PSD3: variants seen among roughly 807,000 people sequenced by gnomAD.
PSD3 encodes pleckstrin and Sec7 domain containing 3, also known as PH and SEC7 domain-containing protein 3.
A neutral mutation model predicts 105.5 loss-of-function variants in PSD3; 49 were observed. The ratio of observed to expected loss-of-function variants is 0.46; its 90% CI spans 0.37 to 0.59. The LOEUF (loss-of-function observed/expected upper bound fraction) is 0.59, where lower values mean the gene tolerates loss of function less well. Ranked by LOEUF, PSD3 falls within the 20% of genes least tolerant of loss-of-function variation. The probability of loss-of-function intolerance (pLI) is 0.00; values close to 1 mark genes in which losing one functional copy is unlikely to be tolerated. For missense variants in PSD3, 1,561 were observed against 1,263.8 expected (o/e 1.24, Z -3.57); for synonymous variants, 557 against 457.8 (o/e 1.22, Z -2.77).
At chr8:18,918,213 C>T (rs2071588269) in intron 2 of PSD3, among the ~76,000 whole-genome samples, 1 of 152,340 alleles carries the variant, frequency 6.6e-6, no homozygotes, top group Non-Finnish European at 1.5e-5. Context: ...TCTGACCAAG[C>T]CATGGTCTGC....
chr8:18,885,659 CA>C (rs1171269388), intron 2 of PSD3, among the ~76,000 whole-genome samples: 1 of 152,102 alleles, frequency 6.6e-6, no homozygotes, highest in African/African-American at 2.4e-5. Flanking sequence ...CATTTGCAGC[CA>C]GTAGTTTTCA....
chr8:19,024,328 T>C (rs1323876127), intron 1 of PSD3, among the ~76,000 whole-genome samples: 2 of 152,114 alleles, frequency 1.3e-5, no homozygotes, highest in African/African-American at 4.8e-5. Context: ...CTGGAATGTC[T>C]CCAAGAGGAC....
At chr8:18,646,005 G>T (rs1352987731) in intron 10 of PSD3, among the ~76,000 whole-genome samples, 1 of 151,634 alleles carries the variant, frequency 6.6e-6, no homozygotes, top group Non-Finnish European at 1.5e-5. Context: ...CTATACCATT[G>T]TCCAGCTTAA....
chr8:18,832,546 T>TC lies in PSD3; in HGVS notation c.1635-27649dup, dbSNP rs1813763293. Among the ~76,000 whole-genome samples, 3 of 152,302 alleles carry TC rather than the reference T, an allele frequency of 2.0e-5. No individual in the cohort carries two copies. In the South Asian group the frequency reaches 6.2e-4, roughly 32 times the overall value. On this transcript the variant is annotated intron_variant, in intron 4 of 15. Coordinates refer to ENST00000327040, the MANE Select transcript of PSD3 (RefSeq NM_015310.4). The stretch of plus-strand genomic sequence containing the variant: ...ACCAATAACATGTCAAGCATTATCC[T>TC]CCAACCCCCTTTTAACTGTTAACTT...
chr8:18,661,511 G>C (rs1809345543), intron 9 of PSD3, among the ~76,000 whole-genome samples: 1 of 152,122 alleles, frequency 6.6e-6, no homozygotes, highest in Non-Finnish European at 1.5e-5. Flanking sequence ...CTTTGCAATG[G>C]TCTTCAACTT....
intron 9 of PSD3, among the ~76,000 whole-genome samples, chr8:18,763,437 G>T (rs1234549286): frequency 6.6e-6 from 1 of 152,160 alleles, no homozygotes; most frequent in Admixed American, 6.5e-5. Context: ...TTCTATGTAT[G>T]TATGTATCTG....
intron 10 of PSD3, among the ~76,000 whole-genome samples, chr8:18,653,464 T>G (rs1248352011): frequency 1.3e-5 from 2 of 152,142 alleles, no homozygotes; most frequent in African/African-American, 4.8e-5. Flanking sequence ...AACATTTCAG[T>G]GTCATCCTGA....
chr8:18,777,602 T>C (rs759132503), intron 8 of PSD3, among the ~76,000 whole-genome samples: 1 of 152,238 alleles, frequency 6.6e-6, no homozygotes, highest in East Asian at 1.9e-4. Context: ...ATGCATGTAA[T>C]GTGTAATAAT....
intron 9 of PSD3, among the ~76,000 whole-genome samples, chr8:18,748,660 C>CAAAA (rs760372508): frequency 7.3e-5 from 4 of 54,706 alleles, no homozygotes; most frequent in East Asian, 4.4e-4. Flanking sequence ...ACTCCGTCTC[C>CAAAA]AAAAAAAAAA....
intron 1 of PSD3, among the ~76,000 whole-genome samples, chr8:18,937,581 A>G (rs2129469180): frequency 6.6e-6 from 1 of 152,344 alleles, no homozygotes; most frequent in South Asian, 2.1e-4. Flanking sequence ...CACAACATTC[A>G]GACAGCAATT....
At chr8:19,030,205 G>A (rs1827715210) in intron 1 of PSD3, among the ~76,000 whole-genome samples, 1 of 152,134 alleles carries the variant, frequency 6.6e-6, no homozygotes, top group South Asian at 2.1e-4. Flanking sequence ...GCCAAATCCT[G>A]TTTCTGCATC....
chr8:18,758,809 T>C (rs1806271007), intron 9 of PSD3, among the ~76,000 whole-genome samples: 2 of 152,172 alleles, frequency 1.3e-5, no homozygotes. Flanking sequence ...ATATAATCCT[T>C]TCAGCTGACA....
At chr8:18,855,866 A>C (rs894965576) in intron 4 of PSD3, among the ~76,000 whole-genome samples, 1 of 152,208 alleles carries the variant, frequency 6.6e-6, no homozygotes, top group African/African-American at 2.4e-5. Context: ...CCTAAGTGGG[A>C]TGATGAGATC....
chr8:18,624,011 T>C (rs1358605998), intron 11 of PSD3, among the ~76,000 whole-genome samples: 1 of 152,206 alleles, frequency 6.6e-6, no homozygotes, highest in Non-Finnish European at 1.5e-5. Context: ...TATATGGATA[T>C]ACAAAATCCA....
At chr8:18,863,397 G>A (rs538326652) in intron 4 of PSD3, among the ~76,000 whole-genome samples, 1 of 152,038 alleles carries the variant, frequency 6.6e-6, no homozygotes, top group Admixed American at 6.5e-5. Context: ...ACACAGCACC[G>A]CTGACCCCCG....
intron 4 of PSD3, among the ~76,000 whole-genome samples, chr8:18,832,267 T>C (rs1427014576): frequency 6.6e-6 from 1 of 152,182 alleles, no homozygotes; most frequent in Non-Finnish European, 1.5e-5. Flanking sequence ...TATAGGGTTA[T>C]ATCTTGCTTC....
At position 18,711,165 on chromosome 8, in the gene PSD3, T is replaced by C. The variant is rs1347245045; in HGVS notation, c.2172+54284A>G. Among the ~76,000 whole-genome samples, 4 of 152,264 alleles carry C rather than the reference T, an allele frequency of 2.6e-5. No individual in the cohort carries two copies. The East Asian group carries it at 5.8e-4, about 22-fold the overall frequency. On this transcript the variant is annotated intron_variant, in intron 9 of 15. Coordinates refer to ENST00000327040, the MANE Select transcript of PSD3 (RefSeq NM_015310.4). The stretch of plus-strand genomic sequence containing the variant: ...ACTGAATATGGAAAGGGAAAATGGT[T>C]ACCAGCCACTACAAAAACATACTGA...
chr8:18,715,717 T>C (rs558211637), intron 9 of PSD3, among the ~76,000 whole-genome samples: 20 of 152,322 alleles, frequency 1.3e-4, no homozygotes, highest in African/African-American at 2.2e-4. Context: ...CTAGAACCCA[T>C]GGCAAACACC....
intron 9 of PSD3, among the ~76,000 whole-genome samples, chr8:18,750,576 G>A (rs1805394296): frequency 6.6e-6 from 1 of 152,058 alleles, no homozygotes; most frequent in African/African-American, 2.4e-5. Flanking sequence ...GTGTGGAAGG[G>A]GACCCGAGTG....
Sources: gnomAD v4.1 joint callset for allele counts (sites outside exome capture counted in the v4.1 genomes callset) on GRCh38, gnomAD v4.1.1 for gene constraint, MANE v1.5 for transcripts, NCBI Gene and HGNC (gene_info 2026-07-23, HGNC 2026-07-21) for gene names.